Variants in DGKH observed in about 807,000 individuals in gnomAD.
The protein encoded by DGKH is diacylglycerol kinase eta.
In DGKH, 90 loss-of-function variants were observed where a neutral mutation model predicts 159.3. The observed-to-expected ratio is 0.57, with a 90% CI of 0.48 to 0.67. The LOEUF (loss-of-function observed/expected upper bound fraction) is 0.67. Among genes scored for constraint, DGKH ranks in the 30% least tolerant of loss-of-function variants. DGKH has a pLI of 0.00. For synonymous variants in DGKH, 536 were observed against 553.8 expected (o/e 0.97, Z 0.45); for missense variants, 1,181 against 1,506.1 (o/e 0.78, Z 3.57).
intron 9 of DGKH, among the ~76,000 whole-genome samples, chr13:42,167,329 C>G (rs1371523418): frequency 6.6e-6 from 1 of 152,188 alleles, no homozygotes; most frequent in Non-Finnish European, 1.5e-5. Flanking sequence ...ATGTAACATA[C>G]TTACAGCAAC....
At chr13:42,122,433 C>T (rs1200431460) in intron 1 of DGKH, among the ~76,000 whole-genome samples, 1 of 152,190 alleles carries the variant, frequency 6.6e-6, no homozygotes, top group Non-Finnish European at 1.5e-5. Context: ...CAGAGTATCA[C>T]ATGGCAAGGG....
At chr13:42,077,494 C>T (rs549955357) in intron 1 of DGKH, among the ~76,000 whole-genome samples, 31 of 151,964 alleles carry the variant, frequency 2.0e-4, no homozygotes, top group Non-Finnish European at 4.0e-4. Flanking sequence ...AGTCATTTAT[C>T]CAAGATATAA....
At chr13:42,154,382 A>T (rs1209466822) in intron 3 of DGKH, among the ~76,000 whole-genome samples, 1 of 152,226 alleles carries the variant, frequency 6.6e-6, no homozygotes, top group East Asian at 1.9e-4. Context: ...TTGAGATTCC[A>T]ACCAGAATAT....
intron 21 of DGKH, among the ~76,000 whole-genome samples, 198 bp from the exon 22 acceptor site, chr13:42,208,761 T>A (rs1957567695): frequency 6.6e-6 from 1 of 151,338 alleles, no homozygotes; most frequent in South Asian, 2.1e-4. Flanking sequence ...CGTGTATATT[T>A]GAAAACCCTT....
Position 42,235,706 on chromosome 13 carries a change from A to G in DGKH, c.*6518A>G, listed in dbSNP as rs1958399915. On this transcript the variant is annotated 3_prime_UTR_variant, in exon 30 of 30. Transcript: ENST00000337343. ...GTGCTGTGAAAGGTTTTGGTATTGT[A>G]ACATTCCCAGTTTTGTGAGTTATAT... 1.3e-5 allele frequency: 2 copies of G among 152,278 alleles called. 1 individual carries two copies. Among genetic ancestry groups the G allele is most frequent in the Middle Eastern group, 6.8e-3 (2 of 294 alleles). 9.4% of individuals were successfully genotyped at this position (152,278 alleles called of 1,614,324 possible). A position where few individuals can be genotyped will look rare whatever the true frequency, so the allele number is the denominator to read the frequency against.
chr13:42,080,954 G>T (rs192196200), intron 1 of DGKH, among the ~76,000 whole-genome samples: 1 of 152,250 alleles, frequency 6.6e-6, no homozygotes, highest in African/African-American at 2.4e-5. Flanking sequence ...AATCAGAGAA[G>T]TAAGTGACCT....
intron 1 of DGKH, among the ~76,000 whole-genome samples, chr13:42,059,910 T>TC (rs1458042501): frequency 4.0e-5 from 6 of 150,830 alleles, no homozygotes; most frequent in Admixed American, 6.6e-5. Flanking sequence ...TTTTTCTTTT[T>TC]TTTTTTTTTT....
intron 1 of DGKH, among the ~76,000 whole-genome samples, chr13:42,051,470 A>G (rs1326848443): frequency 6.6e-6 from 1 of 152,102 alleles, no homozygotes; most frequent in Non-Finnish European, 1.5e-5. Context: ...AATAGGGGGA[A>G]TTTATAGAAT....
chr13:42,173,964 C>CGTGTGT (rs1555270275), intron 11 of DGKH, 96 bp from the exon 12 acceptor site: 4 of 604,412 alleles, frequency 6.6e-6, no homozygotes, highest in Middle Eastern at 2.7e-4. Flanking sequence ...TGTGTGCGTG[C>CGTGTGT]GTGTGTGTGT....
chr13:42,103,888 T>C (rs1026186226), intron 1 of DGKH, among the ~76,000 whole-genome samples: 3 of 152,170 alleles, frequency 2.0e-5, no homozygotes, highest in Non-Finnish European at 4.4e-5. Flanking sequence ...CTTCCTAGAA[T>C]TATATAGAAT....
intron 29 of DGKH, among the ~76,000 whole-genome samples, chr13:42,225,738 A>T (rs1594242980): frequency 6.7e-6 from 1 of 149,832 alleles, no homozygotes; most frequent in East Asian, 2.0e-4. Flanking sequence ...ATGCCACTGC[A>T]CTCCAGCCTG....
intron 3 of DGKH, among the ~76,000 whole-genome samples, chr13:42,138,762 T>C (rs1270182579): frequency 6.6e-6 from 1 of 152,224 alleles, no homozygotes; most frequent in African/African-American, 2.4e-5. Flanking sequence ...GTCCCACCTT[T>C]GCTTACATAA....
intron 20 of DGKH, among the ~76,000 whole-genome samples, chr13:42,200,887 C>G (rs1488526655): frequency 1.3e-5 from 2 of 152,170 alleles, no homozygotes; most frequent in Non-Finnish European, 2.9e-5. Flanking sequence ...TTTGTAAATG[C>G]TATCCTTGAC....
chr13:42,115,888 A>G (rs1301176816), intron 1 of DGKH, among the ~76,000 whole-genome samples: 2 of 152,308 alleles, frequency 1.3e-5, no homozygotes, highest in South Asian at 4.2e-4. Flanking sequence ...AGCACCTAGT[A>G]AACTATTGAG....
At chr13:42,118,224 A>G (rs1955000116) in intron 1 of DGKH, among the ~76,000 whole-genome samples, 1 of 152,158 alleles carries the variant, frequency 6.6e-6, no homozygotes. Flanking sequence ...CTCAAAAAAA[A>G]AAGCATTTCC....
chr13:42,049,598 C>T (rs1218855311), intron 1 of DGKH, among the ~76,000 whole-genome samples: 1 of 152,232 alleles, frequency 6.6e-6, no homozygotes, highest in African/African-American at 2.4e-5. Context: ...GTGTTCGCGG[C>T]TTAACCGCAC....
intron 30 of DGKH, among the ~76,000 whole-genome samples, chr13:42,254,781 T>C (rs1202751347): frequency 6.6e-6 from 1 of 152,226 alleles, no homozygotes; most frequent in African/African-American, 2.4e-5. Flanking sequence ...CGTATGTGTG[T>C]ATATACTAAT....
At chr13:42,090,650 C>A (rs1954399563) in intron 1 of DGKH, among the ~76,000 whole-genome samples, 1 of 152,142 alleles carries the variant, frequency 6.6e-6, no homozygotes, top group South Asian at 2.1e-4. Flanking sequence ...AGGGAAAGGA[C>A]AATTTTTTAA....
At position 42,242,868 on chromosome 13, in the gene DGKH, C is replaced by G. The variant is rs956218273; in HGVS notation, c.*13680C>G. 7 of 152,176 alleles carry G rather than the reference C, an allele frequency of 4.6e-5. No individual in the cohort carries two copies. The highest frequency in any genetic ancestry group is 1.0e-4 in the Non-Finnish European group (7 of 68,036). The allele number at this position is 152,176 out of a possible 1,614,324, so 9.4% of individuals were successfully genotyped here. A position where few individuals can be genotyped will look rare whatever the true frequency, so the allele number is the denominator to read the frequency against. On this transcript the variant is annotated 3_prime_UTR_variant, in exon 30 of 30. Transcript: ENST00000337343. ...AGGGCACTGCCTTGAGATCATCCTT[C>G]TCAAATAAAAAGAATGCATTTGAAG...
Sources: gnomAD v4.1 joint callset for allele counts (sites outside exome capture counted in the v4.1 genomes callset) on GRCh38, gnomAD v4.1.1 for gene constraint, MANE v1.5 for transcripts, NCBI Gene and HGNC (gene_info 2026-07-23, HGNC 2026-07-21) for gene names.